The following LRFN5 variants were observed in gnomAD, a reference collection of about 807,000 sequenced individuals.
LRFN5 encodes the protein leucine rich repeat and fibronectin type III domain containing 5, also known as leucine-rich repeat and fibronectin type-III domain-containing protein 5.
Under a neutral mutation model 45.6 loss-of-function variants are expected in LRFN5, and 24 were observed. The ratio of observed to expected loss-of-function variants is 0.53; its 90% CI spans 0.38 to 0.74. The LOEUF (loss-of-function observed/expected upper bound fraction) is 0.74. LRFN5 is among the 30% of genes least tolerant of loss of function. The pLI, the probability that LRFN5 is intolerant of heterozygous loss-of-function variation, is 0.00. For missense variants in LRFN5, 776 were observed against 861.5 expected, an observed-to-expected ratio of 0.90 and a Z score of 1.24; for synonymous variants, 340 against 313.8, an observed-to-expected ratio of 1.08 and a Z score of -0.88.
At chr14:41,687,355 G>A (rs1254941649) in intron 1 of LRFN5, among the ~76,000 whole-genome samples, 1 of 152,158 alleles carries the variant, frequency 6.6e-6, no homozygotes, top group Non-Finnish European at 1.5e-5. Context: ...TGGTGAGGCT[G>A]TGGAGAAATA....
intron 1 of LRFN5, among the ~76,000 whole-genome samples, chr14:41,751,867 A>T (rs754143636): frequency 4.6e-5 from 7 of 151,926 alleles, no homozygotes; most frequent in African/African-American, 1.7e-4. Context: ...GCACCCATTA[A>T]CTTGTCATTT....
At chr14:41,725,911 G>GA (rs1191631285) in intron 1 of LRFN5, among the ~76,000 whole-genome samples, 2 of 152,118 alleles carry the variant, frequency 1.3e-5, no homozygotes, top group Non-Finnish European at 2.9e-5. Flanking sequence ...AAACATGTTA[G>GA]AAAATGTTAC....
In LRFN5 at chr14:41,607,032, A is replaced by G. The variant is rs1887510909; in HGVS notation, c.-1727A>G. ...CCTCGGCTGCTTGCCTCGCGCCTGA[A>G]CTGCGGACTCGCCCCAGCGCGGTGG... On this transcript the variant is annotated 5_prime_UTR_variant, in exon 1 of 6. Transcript: ENST00000298119. Among the ~76,000 whole-genome samples, 1 of 152,068 alleles carries G rather than the reference A, an allele frequency of 6.6e-6. No individual in the cohort carries two copies. The highest frequency in any genetic ancestry group is 1.5e-5 in the Non-Finnish European group (1 of 67,968).
chr14:41,781,624 A>AAG (rs1262233104), intron 2 of LRFN5, among the ~76,000 whole-genome samples: 2 of 143,730 alleles, frequency 1.4e-5, no homozygotes, highest in South Asian at 2.1e-4. Context: ...AAGAGAAAGA[A>AAG]AGAAAGAAAG....
intron 1 of LRFN5, among the ~76,000 whole-genome samples, chr14:41,654,963 T>C (rs757386916): frequency 1.3e-4 from 20 of 152,120 alleles, no homozygotes; most frequent in Non-Finnish European, 2.5e-4. Flanking sequence ...CATTCTGTAC[T>C]TTTGTGATTC....
At chr14:41,769,624 T>C (rs1226042983) in intron 2 of LRFN5, among the ~76,000 whole-genome samples, 1 of 152,208 alleles carries the variant, frequency 6.6e-6, no homozygotes, top group Non-Finnish European at 1.5e-5. Context: ...CTAATATTCC[T>C]TTTAACTATT....
At chr14:41,863,009 C>T (rs1566490530) in intron 2 of LRFN5, among the ~76,000 whole-genome samples, 1 of 151,620 alleles carries the variant, frequency 6.6e-6, no homozygotes, top group Admixed American at 6.6e-5. Context: ...GGACTACAGG[C>T]GCCCGCCATG....
chr14:41,867,061 G>A (rs1167199514), intron 2 of LRFN5, among the ~76,000 whole-genome samples: 3 of 151,676 alleles, frequency 2.0e-5, no homozygotes, highest in Non-Finnish European at 2.9e-5. Context: ...AAAGGTTATT[G>A]ACATAACCTT....
intron 1 of LRFN5, 27 bp from the exon 2 acceptor site, chr14:41,766,826 TC>T (rs1885900658): frequency 6.6e-6 from 1 of 152,606 alleles, no homozygotes; most frequent in Non-Finnish European, 1.5e-5. Context: ...TTTGATACAC[TC>T]TTTTTTTGTG....
At chr14:41,643,015 A>G (rs1382631998) in intron 1 of LRFN5, among the ~76,000 whole-genome samples, 2 of 152,194 alleles carry the variant, frequency 1.3e-5, no homozygotes, top group African/African-American at 4.8e-5. Flanking sequence ...TAAGAGCTTT[A>G]CATAATCAGT....
chr14:41,844,053 A>G (rs1222404370), intron 2 of LRFN5, among the ~76,000 whole-genome samples: 2 of 152,182 alleles, frequency 1.3e-5, no homozygotes, highest in Non-Finnish European at 2.9e-5. Flanking sequence ...CAGATAACAA[A>G]CTCATGAACA....
At chr14:41,769,901 T>C (rs916734200) in intron 2 of LRFN5, among the ~76,000 whole-genome samples, 1 of 152,202 alleles carries the variant, frequency 6.6e-6, no homozygotes, top group Admixed American at 6.5e-5. Context: ...TGTTAGTCCA[T>C]TTTTGCATCA....
chr14:41,835,933 T>TTA (rs376290650), intron 2 of LRFN5, among the ~76,000 whole-genome samples: 65 of 146,420 alleles, frequency 4.4e-4, no homozygotes, highest in Admixed American at 1.4e-3. Context: ...TCTTTTTTTT[T>TTA]AAAAAAAAAA....
intron 2 of LRFN5, among the ~76,000 whole-genome samples, chr14:41,781,686 AAGAAAGAAAAAG>A (rs964932101): frequency 3.8e-4 from 57 of 149,378 alleles, no homozygotes; most frequent in East Asian, 2.7e-3. Context: ...AAGAAAGAGA[AAGAAAGAAAAAG>A]AGAAAGAAAA....
chr14:41,837,986 G>A (rs1888721077), intron 2 of LRFN5, among the ~76,000 whole-genome samples: 1 of 152,144 alleles, frequency 6.6e-6, no homozygotes, highest in South Asian at 2.1e-4. Flanking sequence ...ACTATATTTA[G>A]TATCTGGAAA....
chr14:41,652,317 AT>A (rs1880166923), intron 1 of LRFN5, among the ~76,000 whole-genome samples: 2 of 152,098 alleles, frequency 1.3e-5, no homozygotes, highest in South Asian at 4.1e-4. Flanking sequence ...GTAAGGAAAA[AT>A]TTTGGATAAA....
Position 41,737,862 on chromosome 14 carries a change from GA to G in LRFN5, c.-196-28982del, listed in dbSNP as rs904120232. ...AAAATAAGAGAGGGCACAAACAAATGAAAAAAAAAATCCATGCTCATGGATA... is the reference window on the plus strand; with the variant it reads ...AAAATAAGAGAGGGCACAAACAAATGAAAAAAAAATCCATGCTCATGGATA... On this transcript the variant is annotated intron_variant, in intron 1 of 5. Coordinates refer to ENST00000298119, the MANE Select transcript of LRFN5 (RefSeq NM_152447.5). Among the ~76,000 whole-genome samples, 44 of 148,368 alleles carry G rather than the reference GA, an allele frequency of 3.0e-4. No homozygotes were observed. The East Asian group carries it at 4.3e-3, about 15-fold the overall frequency.
At chr14:41,892,396 A>C (rs1594502857) in intron 4 of LRFN5, 5 of 985,156 alleles carry the variant, frequency 5.1e-6, no homozygotes, top group Non-Finnish European at 4.8e-6. Flanking sequence ...ACATAGCAGC[A>C]GTGCCTTTCC....
At chr14:41,801,622 C>G (rs972353589) in intron 2 of LRFN5, among the ~76,000 whole-genome samples, 3 of 152,082 alleles carry the variant, frequency 2.0e-5, no homozygotes, top group Non-Finnish European at 4.4e-5. Flanking sequence ...AAGAAGGATC[C>G]TTGAGGAGCT....
Sources: allele counts gnomAD v4.1 joint callset (sites outside exome capture counted in the v4.1 genomes callset), GRCh38; gene constraint gnomAD v4.1.1; transcripts MANE v1.5; gene names NCBI Gene and HGNC (gene_info 2026-07-23, HGNC 2026-07-21).